Variants in FAM76B observed in about 807,000 individuals in gnomAD.
FAM76B encodes the protein family with sequence similarity 76 member B, also known as protein FAM76B.
A neutral mutation model predicts 51.8 loss-of-function variants in FAM76B; 16 were observed. The observed-to-expected ratio is 0.31, with a 90% CI of 0.21 to 0.47. The LOEUF (loss-of-function observed/expected upper bound fraction) is 0.47. Ranked by LOEUF, FAM76B falls within the 20% of genes least tolerant of loss-of-function variation. The probability of loss-of-function intolerance (pLI) is 1.00; values close to 1 mark genes in which losing one functional copy is unlikely to be tolerated. For missense variants in FAM76B, 342 were observed against 392.6 expected (o/e 0.87, Z 1.09); for synonymous variants, 166 against 129.5 (o/e 1.28, Z -1.91).
chr11:95,788,911 C>G (rs769244555), intron 1 of FAM76B: 31 of 1,354,850 alleles, frequency 2.3e-5, no homozygotes, highest in Non-Finnish European at 2.9e-5. Flanking sequence ...AGCTCCAAAT[C>G]AGAGCATTCT....
intron 9 of FAM76B, among the ~76,000 whole-genome samples, chr11:95,774,105 G>T (rs899047260): frequency 2.0e-5 from 3 of 151,352 alleles, no homozygotes; most frequent in African/African-American, 7.3e-5. Context: ...AATCAGGGAA[G>T]TGGCCTGATA....
At chr11:95,778,212 G>C (rs1040484758) in intron 8 of FAM76B, among the ~76,000 whole-genome samples, 1 of 151,458 alleles carries the variant, frequency 6.6e-6, no homozygotes, top group Non-Finnish European at 1.5e-5. Flanking sequence ...CATAGCACAA[G>C]ACCTTAAATC....
In FAM76B at chr11:95,779,912, C is replaced by T. The variant is rs1284376592; in HGVS notation, c.578G>A (p.Ser193Asn). The change falls in exon 6 of 10, where the codon AGT becomes AAT. Residue 193 changes from serine (S) to asparagine (N), a missense_variant. By Grantham distance (46) the Ser-to-Asn change is conservative. Transcript: ENST00000358780. The stretch of plus-strand genomic sequence containing the variant: ...CCACAGTCCCTGCTCTTCTTCTGGA[C>T]TTAGATTGCTGATTCTGAAAAATAC... ...SSSHHKISNLSPEEEQGLWKQ... is the reference protein window; with the variant it reads ...SSSHHKISNLNPEEEQGLWKQ... 4.4e-6 allele frequency: 7 copies of T among 1,604,520 alleles called. No individual in the cohort carries two copies. The East Asian group carries it at 1.6e-4, about 36-fold the overall frequency.
At chr11:95,784,098 T>G (rs1312494223) in intron 4 of FAM76B, among the ~76,000 whole-genome samples, 1 of 152,200 alleles carries the variant, frequency 6.6e-6, no homozygotes, top group East Asian at 1.9e-4. Context: ...CATGGAATAC[T>G]ATGCAGCTAT....
chr11:95,779,828 T>C (rs778951305), intron 6 of FAM76B, 51 bp downstream of exon 6: 1 of 1,575,476 alleles, frequency 6.3e-7, no homozygotes. Flanking sequence ...GGATATCACA[T>C]TTATAAATAT....
At chr11:95,786,322 C>T (rs185583687) in intron 3 of FAM76B, 48 bp from the exon 4 acceptor site, 1,213 of 1,602,134 alleles carry the variant, frequency 7.6e-4, no homozygotes, top group Middle Eastern at 6.0e-3. Flanking sequence ...TAAATATTTG[C>T]GGCATAGCAT....
At chr11:95,782,557 T>C (rs1860331039) in intron 5 of FAM76B, among the ~76,000 whole-genome samples, 1 of 152,066 alleles carries the variant, frequency 6.6e-6, no homozygotes, top group Non-Finnish European at 1.5e-5. Flanking sequence ...AAACACAAAG[T>C]ATCATTAGTT....
chr11:95,789,578 T>TC lies in FAM76B; in HGVS notation c.-101dup. On this transcript the variant is annotated 5_prime_UTR_variant, in exon 1 of 10. Coordinates refer to ENST00000358780, the MANE Select transcript of FAM76B (RefSeq NM_144664.5). Reference sequence around the variant, plus strand: ...CGCCCGGGCCGCGGGCTCCTCCTCCTCCCCCTCCCCCTGCCTCGCGCCCAC... The same window carrying TC: ...CGCCCGGGCCGCGGGCTCCTCCTCCTCCCCCCTCCCCCTGCCTCGCGCCCAC... 2 of 1,014,582 alleles carry TC rather than the reference T, an allele frequency of 2.0e-6. No individual in the cohort carries two copies. Among genetic ancestry groups the TC allele is most frequent in the Non-Finnish European group, 2.8e-6 (2 of 707,618 alleles). The allele number at this position is 1,014,582 out of a possible 1,614,324, so 62.8% of individuals were successfully genotyped here.
In FAM76B at chr11:95,769,726, A is replaced by G. The variant is rs1785795041; in HGVS notation, c.*1835T>C. 1 of 151,624 alleles carries G rather than the reference A, an allele frequency of 6.6e-6. No individual in the cohort carries two copies. The highest frequency in any genetic ancestry group is 2.1e-4 in the South Asian group (1 of 4,826). The allele number at this position is 151,624 out of a possible 1,614,324, so 9.4% of individuals were successfully genotyped here. A position where few individuals can be genotyped will look rare whatever the true frequency, so the allele number is the denominator to read the frequency against. On this transcript the variant is annotated 3_prime_UTR_variant, in exon 10 of 10. Transcript: ENST00000358780. ...ATTTAGCAAATCCTGCAAACGTTAA[A>G]ATCCATGTTAAGGCATTATCTATCA...
rs866498976 is a variant in FAM76B at position 95,789,561 on chromosome 11, C to T, written c.-83G>A. 2.3e-6 allele frequency: 3 copies of T among 1,289,584 alleles called. No individual in the cohort carries two copies. The highest frequency in any genetic ancestry group is 3.2e-6 in the Non-Finnish European group (3 of 935,970). The allele number at this position is 1,289,584 out of a possible 1,614,324, so 79.9% of individuals were successfully genotyped here. Reference sequence around the variant, plus strand: ...AACCCGAGAGCCGCCGCCGCCCGGGCCGCGGGCTCCTCCTCCTCCCCCTCC... The same window carrying T: ...AACCCGAGAGCCGCCGCCGCCCGGGTCGCGGGCTCCTCCTCCTCCCCCTCC... On this transcript the variant is annotated 5_prime_UTR_variant, in exon 1 of 10. Coordinates refer to ENST00000358780, the MANE Select transcript of FAM76B (RefSeq NM_144664.5).
rs1410907270 is a variant in FAM76B at position 95,771,445 on chromosome 11, CACCA to C, written c.*112_*115del. ...CAATTACAAAAGTGAACAGGAAACA[CACCA>C]ATTCATTTGGTGTGCAAAAATATTT... On this transcript the variant is annotated 3_prime_UTR_variant, in exon 10 of 10. Coordinates refer to ENST00000358780, the MANE Select transcript of FAM76B (RefSeq NM_144664.5). 4 of 659,116 alleles carry C rather than the reference CACCA, an allele frequency of 6.1e-6. No homozygotes were observed. The Admixed American group carries it at 1.1e-4, about 19-fold the overall frequency. 40.8% of individuals were successfully genotyped at this position (659,116 alleles called of 1,614,324 possible).
intron 5 of FAM76B, 33 bp downstream of exon 5, chr11:95,783,030 AAG>A: frequency 1.9e-6 from 3 of 1,607,486 alleles, no homozygotes; most frequent in Non-Finnish European, 2.5e-6. Flanking sequence ...AAATGCAAGG[AAG>A]AGTTTTAGAA....
intron 9 of FAM76B, among the ~76,000 whole-genome samples, chr11:95,774,948 GAAT>G (rs1859928791): frequency 2.0e-5 from 3 of 149,518 alleles, no homozygotes; most frequent in Admixed American, 1.3e-4. Flanking sequence ...AAAGAAGTAT[GAAT>G]AATACAAAAC....
chr11:95,789,001 A>C, intron 1 of FAM76B: 1 of 1,355,784 alleles, frequency 7.4e-7, no homozygotes, highest in Non-Finnish European at 9.7e-7. Flanking sequence ...TCCTAGCAAG[A>C]AAGTGCAAAA....
At chr11:95,782,504 G>A (rs545348161) in intron 5 of FAM76B, among the ~76,000 whole-genome samples, 5 of 151,942 alleles carry the variant, frequency 3.3e-5, no homozygotes, top group Non-Finnish European at 7.4e-5. Flanking sequence ...GAAAACTACA[G>A]TTGTCTCTAT....
chr11:95,789,019 CCT>C, intron 1 of FAM76B: 1 of 1,368,726 alleles, frequency 7.3e-7, no homozygotes, highest in Non-Finnish European at 9.6e-7. Flanking sequence ...AAAACCGTCC[CCT>C]GCCTCCTGGT....
Position 95,778,906 on chromosome 11 carries a change from A to C in FAM76B, c.744T>G (p.Leu248=). Residue 248 remains leucine (L), a synonymous_variant, in exon 8 of 10, where the codon CTT becomes CTG. Coordinates refer to ENST00000358780, the MANE Select transcript of FAM76B (RefSeq NM_144664.5). ...ADSGGTDNFV[L]ISQLKEEVMS... ...TCACTTCTTCTTTCAATTGACTTAT[A>C]AGGACAAAATTGTCTGTTCCCCCAC... 1 of 1,610,960 alleles carries C rather than the reference A, an allele frequency of 6.2e-7. No homozygotes were observed. The highest frequency in any genetic ancestry group is 1.7e-4 in the Middle Eastern group (1 of 6,046).
In FAM76B at chr11:95,789,660, C is replaced by T. The variant is rs919075525; in HGVS notation, c.-182G>A. 6 of 526,346 alleles carry T rather than the reference C, an allele frequency of 1.1e-5. No individual in the cohort carries two copies. The highest frequency in any genetic ancestry group is 1.6e-5 in the Non-Finnish European group (5 of 303,766). The allele number at this position is 526,346 out of a possible 1,614,324, so 32.6% of individuals were successfully genotyped here. Reference sequence around the variant, plus strand: ...CGGACGACGCCACCGTCTCCCTCCGCCTCCACTTCCGCCCCAGCCCACCCA... The same window carrying T: ...CGGACGACGCCACCGTCTCCCTCCGTCTCCACTTCCGCCCCAGCCCACCCA... On this transcript the variant is annotated 5_prime_UTR_variant, in exon 1 of 10. Transcript: ENST00000358780.
At position 95,771,376 on chromosome 11, in the gene FAM76B, G is replaced by C; in HGVS notation, c.*185C>G. The C allele has an allele frequency of 4.2e-6, 2 of 476,476 alleles. No homozygotes were observed. Among genetic ancestry groups the C allele is most frequent in the Non-Finnish European group, 7.6e-6 (2 of 263,454 alleles). 29.5% of individuals were successfully genotyped at this position (476,476 alleles called of 1,614,324 possible). ...ATTAAAAAGTTACTTCAAACCAGTT[G>C]AAGTTTTATTTGAATGTTTTACAAC... On this transcript the variant is annotated 3_prime_UTR_variant, in exon 10 of 10. Coordinates refer to ENST00000358780, the MANE Select transcript of FAM76B (RefSeq NM_144664.5).
Sources: gnomAD v4.1 joint callset for allele counts (sites outside exome capture counted in the v4.1 genomes callset) on GRCh38, gnomAD v4.1.1 for gene constraint, MANE v1.5 for transcripts, NCBI Gene and HGNC (gene_info 2026-07-23, HGNC 2026-07-21) for gene names.